Variants in NSD1 observed in about 807,000 individuals in gnomAD.
The protein encoded by NSD1 is nuclear receptor binding SET domain protein 1.
NSD1 carries 26 observed loss-of-function variants against 242.7 expected under a neutral mutation model. That is an observed-to-expected ratio of 0.11 (90% CI 0.08 to 0.15). The LOEUF (loss-of-function observed/expected upper bound fraction) is 0.15. NSD1 is among the 10% of genes least tolerant of loss of function. NSD1 has a pLI of 1.00. For missense variants in NSD1, 2,495 were observed against 3,272.8 expected (o/e 0.76, Z 5.80); for synonymous variants, 1,106 against 1,178.1 (o/e 0.94, Z 1.25).
Position 177,156,464 on chromosome 5 carries a change from C to T in NSD1, c.927+20434C>T, listed in dbSNP as rs144912645. Among the ~76,000 whole-genome samples, 1,398 of 152,254 alleles carry T rather than the reference C, an allele frequency of 9.2e-3. 20 individuals are homozygous for T. The highest frequency in any genetic ancestry group is 0.032 in the African/African-American group (1,326 of 41,558). On this transcript the variant is annotated intron_variant, in intron 2 of 22. Coordinates refer to ENST00000439151, the MANE Select transcript of NSD1 (RefSeq NM_022455.5). ...AAAGTGTTGGAATTACAGGCGTAAG[C>T]CTCCGCCGGGCCTTTTTTAGATTTT... is the stretch of plus-strand genomic sequence containing the variant.
intron 18 of NSD1, among the ~76,000 whole-genome samples, chr5:177,282,146 G>A (rs900670584): frequency 3.7e-4 from 57 of 152,112 alleles, no homozygotes; most frequent in Admixed American, 3.5e-3. Context: ...GCCAATTCTC[G>A]GGCTCTGGGG....
chr5:177,240,548 C>T (rs907049859), intron 8 of NSD1, among the ~76,000 whole-genome samples: 2 of 151,986 alleles, frequency 1.3e-5, no homozygotes, highest in Non-Finnish European at 2.9e-5. Flanking sequence ...CCCCTCTCTA[C>T]TAAAAATACA....
At chr5:177,202,848 G>C (rs1464242535) in intron 3 of NSD1, among the ~76,000 whole-genome samples, 1 of 151,258 alleles carries the variant, frequency 6.6e-6, no homozygotes, top group Admixed American at 6.6e-5. Context: ...TTTTTTTTCA[G>C]TTTGTTTTTA....
chr5:177,154,088 G>A (rs964288669), intron 2 of NSD1, among the ~76,000 whole-genome samples: 3 of 152,020 alleles, frequency 2.0e-5, no homozygotes, highest in African/African-American at 7.3e-5. Context: ...TGTCCAAGAC[G>A]GCTCACTCAT....
In NSD1 at chr5:177,238,239, A is replaced by G. The variant is rs767426791; in HGVS notation, c.3924A>G (p.Val1308=). The G allele has an allele frequency of 6.2e-7, 1 of 1,614,142 alleles. No individual in the cohort carries two copies. The highest frequency in any genetic ancestry group is 8.5e-7 in the Non-Finnish European group (1 of 1,180,022). Residue 1308 remains valine, a splice_region_variant and synonymous_variant, in exon 7 of 23, where the codon GTA becomes GTG. Transcript: ENST00000439151. The surrounding 1 kb of genome is among the most constrained non-coding windows in gnomAD (Gnocchi z 4.6). ...CTATTTTTATTTTTTGTTCTTAGGTAAGTTCCCGCTGTGAAGAGGAAAGCC... is the reference window on the plus strand; with the variant it reads ...CTATTTTTATTTTTTGTTCTTAGGTGAGTTCCCGCTGTGAAGAGGAAAGCC... ...QKKVQEQVHK[V]SSRCEEESLL...
intron 2 of NSD1, among the ~76,000 whole-genome samples, chr5:177,165,023 T>C (rs1390220756): frequency 1.3e-5 from 2 of 151,474 alleles, no homozygotes; most frequent in Non-Finnish European, 2.9e-5. Context: ...TTCCAGCATT[T>C]TGGGAGACCA....
At chr5:177,170,084 C>T (rs1471136567) in intron 2 of NSD1, among the ~76,000 whole-genome samples, 2 of 151,812 alleles carry the variant, frequency 1.3e-5, no homozygotes, top group African/African-American at 4.8e-5. Flanking sequence ...ATTCTCCTGC[C>T]TCAGCCTCCC....
chr5:177,217,539 C>T (rs747014278), intron 5 of NSD1, among the ~76,000 whole-genome samples: 23 of 151,996 alleles, frequency 1.5e-4, no homozygotes, highest in Admixed American at 2.6e-4. Flanking sequence ...TGCTCTTTAT[C>T]TTAGAGGAAA....
chr5:177,192,730 C>A (rs907117411), intron 3 of NSD1, among the ~76,000 whole-genome samples: 3 of 152,132 alleles, frequency 2.0e-5, no homozygotes, highest in Non-Finnish European at 4.4e-5. Context: ...GGGGTTTCAC[C>A]ATGTTGGCCA....
intron 2 of NSD1, among the ~76,000 whole-genome samples, chr5:177,161,493 A>AG (rs1562136656): frequency 6.6e-6 from 1 of 151,706 alleles, no homozygotes; most frequent in Non-Finnish European, 1.5e-5. Flanking sequence ...TTTTTAAAAA[A>AG]TTTTTTTCTA....
chr5:177,280,520 T>C, intron 17 of NSD1, 45 bp from the exon 18 acceptor site: 1 of 1,613,966 alleles, frequency 6.2e-7, no homozygotes, highest in Non-Finnish European at 8.5e-7. Context: ...TGAATTGTCT[T>C]CTGCTGACTT....
intron 3 of NSD1, among the ~76,000 whole-genome samples, chr5:177,200,547 T>G (rs1263169523): frequency 6.6e-6 from 1 of 152,196 alleles, no homozygotes; most frequent in Non-Finnish European, 1.5e-5. Flanking sequence ...AAACTGAAAC[T>G]CTGTACCCAT....
intron 3 of NSD1, among the ~76,000 whole-genome samples, chr5:177,193,032 T>C (rs1253877679): frequency 1.3e-5 from 2 of 152,224 alleles, no homozygotes; most frequent in Non-Finnish European, 2.9e-5. Flanking sequence ...TAATTTGGAG[T>C]ATTTCCTTTA....
chr5:177,263,752 A>G (rs1757180260), intron 14 of NSD1, among the ~76,000 whole-genome samples: 1 of 152,184 alleles, frequency 6.6e-6, no homozygotes, highest in Non-Finnish European at 1.5e-5. Flanking sequence ...TTACTGATAA[A>G]CTATGGTTAT....
At chr5:177,194,934 A>G (rs939069212) in intron 3 of NSD1, among the ~76,000 whole-genome samples, 16 of 151,800 alleles carry the variant, frequency 1.1e-4, no homozygotes, top group African/African-American at 2.9e-4. Context: ...TAAGGCGGGC[A>G]GATCACCTGA....
At chr5:177,241,022 C>T (rs572564459) in intron 8 of NSD1, among the ~76,000 whole-genome samples, 1 of 152,212 alleles carries the variant, frequency 6.6e-6, no homozygotes, top group South Asian at 2.1e-4. Context: ...CTGTCTCAGT[C>T]AATCAATCAA....
Position 177,269,089 on chromosome 5 carries a change from G to A in NSD1, c.5304-513G>A, listed in dbSNP as rs2149933513. Among the ~76,000 whole-genome samples, 1 of 152,178 alleles carries A rather than the reference G, an allele frequency of 6.6e-6. No homozygotes were observed. Among genetic ancestry groups the A allele is most frequent in the African/African-American group, 2.4e-5 (1 of 41,530 alleles). On this transcript the variant is annotated intron_variant, in intron 15 of 22. Coordinates refer to ENST00000439151, the MANE Select transcript of NSD1 (RefSeq NM_022455.5). This position sits in a 1 kb window ranked among gnomAD's most constrained non-coding sequence, Gnocchi z 5.1. Reference sequence around the variant, plus strand: ...AGTGCCAAATTGTCTCCCTAAAGTGGCTGTATAGTAATTTACATTCTTTGA... The same window carrying A: ...AGTGCCAAATTGTCTCCCTAAAGTGACTGTATAGTAATTTACATTCTTTGA...
At chr5:177,160,189 C>T (rs922319833) in intron 2 of NSD1, among the ~76,000 whole-genome samples, 2 of 152,184 alleles carry the variant, frequency 1.3e-5, no homozygotes, top group South Asian at 4.1e-4. Context: ...CTGTACCCGG[C>T]TAAGTGTACA....
chr5:177,266,206 C>G, intron 14 of NSD1: 1 of 950,790 alleles, frequency 1.1e-6, no homozygotes. Flanking sequence ...AGCCCATCCA[C>G]TTGCTGATGA....
Sources: gnomAD v4.1 joint callset for allele counts (sites outside exome capture counted in the v4.1 genomes callset) on GRCh38, gnomAD v4.1.1 for gene constraint, Gnocchi (gnomAD v3.1) non-coding constraint, MANE v1.5 for transcripts, NCBI Gene and HGNC (gene_info 2026-07-23, HGNC 2026-07-21) for gene names.